Variants in KCND3 observed in about 807,000 individuals in gnomAD.
KCND3 encodes the protein A-type voltage-gated potassium channel KCND3.
In KCND3, 9 loss-of-function variants were observed where a neutral mutation model predicts 51.1. That is an observed-to-expected ratio of 0.18 (90% confidence interval 0.11 to 0.31). The LOEUF (loss-of-function observed/expected upper bound fraction) is 0.31, where lower values mean the gene tolerates loss of function less well. KCND3 is among the 10% of genes least tolerant of loss of function. KCND3 has a pLI of 1.00. For missense variants in KCND3, 526 were observed against 903.8 expected (o/e 0.58, Z 5.36); for synonymous variants, 349 against 368.0 (o/e 0.95, Z 0.59).
At chr1:111,972,150 A>G (rs1388194148) in intron 2 of KCND3, among the ~76,000 whole-genome samples, 2 of 139,572 alleles carry the variant, frequency 1.4e-5, no homozygotes, top group Non-Finnish European at 3.1e-5. Flanking sequence ...ATCTCTAGCT[A>G]TTTTCCTATT....
intron 2 of KCND3, among the ~76,000 whole-genome samples, chr1:111,864,538 G>A (rs1668469444): frequency 6.6e-6 from 1 of 152,214 alleles, no homozygotes; most frequent in Non-Finnish European, 1.5e-5. Context: ...ACACAGATGA[G>A]CAAACAAAGG....
chr1:111,919,188 A>G (rs140115742), intron 2 of KCND3, among the ~76,000 whole-genome samples: 48 of 150,502 alleles, frequency 3.2e-4, no homozygotes, highest in African/African-American at 1.1e-3. Flanking sequence ...CCTTGCCCTC[A>G]ATATACTGGC....
intron 2 of KCND3, among the ~76,000 whole-genome samples, chr1:111,841,330 G>A (rs1160489713): frequency 6.6e-6 from 1 of 152,114 alleles, no homozygotes; most frequent in African/African-American, 2.4e-5. Context: ...AACTTCCCTC[G>A]CTGTACATTT....
At chr1:111,832,767 C>T (rs77273400) in intron 2 of KCND3, among the ~76,000 whole-genome samples, 2,837 of 152,138 alleles carry the variant, frequency 0.019, 84 homozygotes, top group African/African-American at 0.064. Context: ...GTAGTTCTAA[C>T]GGAATAAATA....
intron 2 of KCND3, among the ~76,000 whole-genome samples, chr1:111,805,120 A>G (rs1027382696): frequency 1.3e-5 from 2 of 152,230 alleles, no homozygotes; most frequent in Non-Finnish European, 2.9e-5. Context: ...AGGGCGGCCT[A>G]AGCTGACAGG....
intron 2 of KCND3, among the ~76,000 whole-genome samples, chr1:111,931,058 G>C (rs1239035419): frequency 1.3e-5 from 2 of 152,214 alleles, no homozygotes; most frequent in African/African-American, 4.8e-5. Context: ...AACAAGTTAG[G>C]TTACAAAGGA....
intron 2 of KCND3, among the ~76,000 whole-genome samples, chr1:111,868,505 G>A (rs190217838): frequency 7.2e-5 from 11 of 152,258 alleles, no homozygotes; most frequent in East Asian, 5.8e-4. Context: ...AGTACTACCC[G>A]TGGTCTCAGG....
intron 2 of KCND3, among the ~76,000 whole-genome samples, chr1:111,959,491 C>T (rs1251620491): frequency 6.6e-6 from 1 of 152,164 alleles, no homozygotes; most frequent in Non-Finnish European, 1.5e-5. Flanking sequence ...GGGAGGGTCT[C>T]TCTCCTTCCT....
chr1:111,915,014 A>ATAAG (rs1671128005), intron 2 of KCND3, among the ~76,000 whole-genome samples: 1 of 152,236 alleles, frequency 6.6e-6, no homozygotes, highest in African/African-American at 2.4e-5. Flanking sequence ...AATTGAATAT[A>ATAAG]TAAGTTTTTT....
At chr1:111,783,809 C>T (rs997182604) in intron 3 of KCND3, among the ~76,000 whole-genome samples, 13 of 151,680 alleles carry the variant, frequency 8.6e-5, no homozygotes, top group Admixed American at 7.2e-4. Flanking sequence ...TACATCTGTA[C>T]CATGGATACT....
chr1:111,873,265 G>A (rs1448804627), intron 2 of KCND3, among the ~76,000 whole-genome samples: 1 of 152,190 alleles, frequency 6.6e-6, no homozygotes, highest in African/African-American at 2.4e-5. Context: ...AAAGGATGAA[G>A]CACTCAGACA....
intron 2 of KCND3, among the ~76,000 whole-genome samples, chr1:111,823,897 T>A (rs1666459138): frequency 6.6e-6 from 1 of 152,140 alleles, no homozygotes; most frequent in South Asian, 2.1e-4. Flanking sequence ...ATGGTTGCAC[T>A]AGAGACTCTG....
chr1:111,813,671 C>T (rs1665957453), intron 2 of KCND3, among the ~76,000 whole-genome samples: 1 of 152,236 alleles, frequency 6.6e-6, no homozygotes, highest in South Asian at 2.1e-4. Context: ...CTTCCCTAGC[C>T]AGATGCTGGC....
chr1:111,980,457 G>A (rs1481784720), intron 2 of KCND3, among the ~76,000 whole-genome samples: 4 of 151,204 alleles, frequency 2.6e-5, no homozygotes, highest in African/African-American at 7.3e-5. Flanking sequence ...CAGCACTATG[G>A]AAAAACCAAC....
Position 111,775,730 on chromosome 1 carries a change from C to T in KCND3, c.*347G>A. On this transcript the variant is annotated 3_prime_UTR_variant, in exon 8 of 8. Coordinates refer to ENST00000302127, the MANE Select transcript of KCND3 (RefSeq NM_001378969.1). ...CTTGTATTTTCCTCACTGGGGTCTC[C>T]AGAAACGACTGTTATTTGGTCTGAG... 8.0e-6 allele frequency: 3 copies of T among 376,848 alleles called. No individual in the cohort carries two copies. The highest frequency in any genetic ancestry group is 1.0e-5 in the Non-Finnish European group (2 of 197,810). The allele number at this position is 376,848 out of a possible 1,614,324, so 23.3% of individuals were successfully genotyped here. A position where few individuals can be genotyped will look rare whatever the true frequency, so the allele number is the denominator to read the frequency against.
intron 2 of KCND3, among the ~76,000 whole-genome samples, chr1:111,839,240 T>G (rs1667215432): frequency 6.6e-6 from 1 of 152,254 alleles, no homozygotes; most frequent in African/African-American, 2.4e-5. Context: ...GCCCATTCTT[T>G]CAGTCCTGAG....
chr1:111,827,908 C>T (rs1175916791), intron 2 of KCND3, among the ~76,000 whole-genome samples: 2 of 152,088 alleles, frequency 1.3e-5, no homozygotes, highest in Non-Finnish European at 2.9e-5. Flanking sequence ...TTTCTAGAGC[C>T]CTGGGATAGA....
intron 2 of KCND3, among the ~76,000 whole-genome samples, chr1:111,830,425 G>A (rs1666783473): frequency 6.6e-6 from 1 of 152,132 alleles, no homozygotes; most frequent in South Asian, 2.1e-4. Flanking sequence ...GCAATCCCTG[G>A]AGCATATCTT....
At chr1:111,779,012 C>G (rs1664255867) in intron 5 of KCND3, among the ~76,000 whole-genome samples, 1 of 152,180 alleles carries the variant, frequency 6.6e-6, no homozygotes, top group South Asian at 2.1e-4. Flanking sequence ...CGGGCCTATC[C>G]CTTTGGCAAG....
Sources: gnomAD v4.1 joint callset for allele counts (sites outside exome capture counted in the v4.1 genomes callset) on GRCh38, gnomAD v4.1.1 for gene constraint, MANE v1.5 for transcripts, NCBI Gene and HGNC (gene_info 2026-07-23, HGNC 2026-07-21) for gene names.